The following ARHGAP15 variants were observed in gnomAD, a reference collection of about 807,000 sequenced individuals.
ARHGAP15 encodes Rho GTPase activating protein 15.
A neutral mutation model predicts 63.7 loss-of-function variants in ARHGAP15; 51 were observed. The ratio of observed to expected loss-of-function variants is 0.80; its 90% CI spans 0.64 to 1.01. The LOEUF (loss-of-function observed/expected upper bound fraction) is 1.01, where lower values mean the gene tolerates loss of function less well. ARHGAP15 is among the 50% of genes least tolerant of loss of function. The pLI is 0.00. For synonymous variants in ARHGAP15, 191 were observed against 193.8 expected (o/e 0.99, Z 0.12); for missense variants, 560 against 564.6 (o/e 0.99, Z 0.08).
intron 2 of ARHGAP15, among the ~76,000 whole-genome samples, chr2:143,192,622 C>T (rs755235453): frequency 3.3e-5 from 5 of 152,210 alleles, no homozygotes; most frequent in South Asian, 2.1e-4. Context: ...TTCCTCTCCA[C>T]GGGTTTGCTG....
intron 11 of ARHGAP15, chr2:143,606,887 A>G (rs1055756145): frequency 6.6e-6 from 1 of 152,190 alleles, no homozygotes; most frequent in African/African-American, 2.4e-5. Context: ...AACCAAACAT[A>G]GTGAAGGGGA....
At chr2:143,185,222 C>T (rs1691393936) in intron 2 of ARHGAP15, among the ~76,000 whole-genome samples, 1 of 152,166 alleles carries the variant, frequency 6.6e-6, no homozygotes. Context: ...CTCTGCTCAT[C>T]TGTTTACTAG....
intron 4 of ARHGAP15, among the ~76,000 whole-genome samples, chr2:143,217,939 A>G (rs571521978): frequency 6.6e-6 from 1 of 152,292 alleles, no homozygotes; most frequent in East Asian, 1.9e-4. Flanking sequence ...AATAATTTCA[A>G]GAAAGCAGAA....
chr2:143,348,103 AT>A (rs910463334), intron 6 of ARHGAP15, among the ~76,000 whole-genome samples: 5 of 151,942 alleles, frequency 3.3e-5, no homozygotes, highest in African/African-American at 1.2e-4. Flanking sequence ...ACATGATCAT[AT>A]TTTTTCCCCA....
chr2:143,631,152 A>G (rs1357247979), intron 12 of ARHGAP15, among the ~76,000 whole-genome samples: 1 of 152,092 alleles, frequency 6.6e-6, no homozygotes, highest in Non-Finnish European at 1.5e-5. Context: ...TATCCATGTT[A>G]TATTAGTTCA....
At chr2:143,468,655 A>AGT (rs1366540841) in intron 8 of ARHGAP15, among the ~76,000 whole-genome samples, 9 of 128,208 alleles carry the variant, frequency 7.0e-5, no homozygotes, top group African/African-American at 2.3e-4. Context: ...AGAGAGAGAG[A>AGT]GAGAGAGAGT....
In ARHGAP15 at chr2:143,411,180, G is replaced by A. The variant is rs182673802; in HGVS notation, c.475-24421G>A. ...AGATCATGCCACTGCACTCCAGCCT[G>A]GGCGACAGAGCGAGACTATCTCAAA... is the stretch of plus-strand genomic sequence containing the variant. On this transcript the variant is annotated intron_variant, in intron 6 of 13. Coordinates refer to ENST00000295095, the MANE Select transcript of ARHGAP15 (RefSeq NM_018460.4). Among the ~76,000 whole-genome samples, 236 of 152,120 alleles carry A rather than the reference G, an allele frequency of 1.6e-3. 2 individuals carry two copies. Among genetic ancestry groups the A allele is most frequent in the African/African-American group, 4.9e-3 (204 of 41,484 alleles).
At chr2:143,613,812 C>T (rs1698351422) in intron 11 of ARHGAP15, among the ~76,000 whole-genome samples, 1 of 152,166 alleles carries the variant, frequency 6.6e-6, no homozygotes, top group Admixed American at 6.6e-5. Context: ...GCTTCTTGCT[C>T]ATTGTGTCTT....
intron 6 of ARHGAP15, among the ~76,000 whole-genome samples, chr2:143,434,413 C>A (rs1394835916): frequency 6.6e-6 from 1 of 151,936 alleles, no homozygotes; most frequent in Non-Finnish European, 1.5e-5. Context: ...TTTCAAAACC[C>A]CAAAATCATT....
rs75062738 is a variant in ARHGAP15, at chr2:143,404,455, G to A, written c.475-31146G>A. 8.1e-3 allele frequency among the ~76,000 whole-genome samples: 1,234 copies of A among 151,992 alleles called. 16 individuals carry two copies. Among genetic ancestry groups the A allele is most frequent in the African/African-American group, 0.028 (1,182 of 41,492 alleles). On this transcript the variant is annotated intron_variant, in intron 6 of 13. Coordinates refer to ENST00000295095, the MANE Select transcript of ARHGAP15 (RefSeq NM_018460.4). ...AAATTATAGCCTGAAAATGTTGTAT[G>A]TATCATTTAATCTAATACAAAAATT...
At position 143,695,662 on chromosome 2, in the gene ARHGAP15, G is replaced by T. The variant is rs1346452436; in HGVS notation, c.1139-7757G>T. Among the ~76,000 whole-genome samples the T allele has an allele frequency of 2.0e-5, 3 of 152,186 alleles. No homozygotes were observed. In the East Asian group the frequency reaches 5.8e-4, roughly 29 times the overall value. On this transcript the variant is annotated intron_variant, in intron 12 of 13. Coordinates refer to ENST00000295095, the MANE Select transcript of ARHGAP15 (RefSeq NM_018460.4). ...GCGGGTGGATCGCTTGAGCCCAGGG[G>T]TTCAAGATCAGACTGGGCAACACGG...
intron 13 of ARHGAP15, among the ~76,000 whole-genome samples, chr2:143,716,533 T>C (rs1684819346): frequency 6.6e-6 from 1 of 152,200 alleles, no homozygotes; most frequent in Non-Finnish European, 1.5e-5. Context: ...CCATACTACC[T>C]TGAATTATTT....
intron 12 of ARHGAP15, among the ~76,000 whole-genome samples, chr2:143,695,205 C>A (rs998255526): frequency 1.3e-5 from 2 of 152,042 alleles, no homozygotes; most frequent in Non-Finnish European, 2.9e-5. Context: ...TCAAGAAAAT[C>A]TTCACAGGAA....
At chr2:143,316,624 T>C (rs1012357022) in intron 6 of ARHGAP15, among the ~76,000 whole-genome samples, 4 of 149,648 alleles carry the variant, frequency 2.7e-5, no homozygotes, top group African/African-American at 9.8e-5. Flanking sequence ...ATTATAGACT[T>C]TGGAGGCTTT....
At chr2:143,148,442 G>A (rs1426348567) in intron 1 of ARHGAP15, among the ~76,000 whole-genome samples, 1 of 152,052 alleles carries the variant, frequency 6.6e-6, no homozygotes, top group Non-Finnish European at 1.5e-5. Flanking sequence ...ACAGGATGGA[G>A]TTTGAAAGGT....
chr2:143,328,614 T>C (rs1009289783), intron 6 of ARHGAP15, among the ~76,000 whole-genome samples: 2 of 152,044 alleles, frequency 1.3e-5, no homozygotes, highest in African/African-American at 4.8e-5. Context: ...GGGATAGCAT[T>C]AGGAGAAATA....
At chr2:143,225,217 A>G (rs980649758) in intron 4 of ARHGAP15, among the ~76,000 whole-genome samples, 28 of 152,198 alleles carry the variant, frequency 1.8e-4, no homozygotes, top group Non-Finnish European at 3.2e-4. Context: ...TCTGTTTTTC[A>G]CTGGCAGATA....
At chr2:143,558,744 G>T (rs992666996) in intron 11 of ARHGAP15, among the ~76,000 whole-genome samples, 103 of 152,302 alleles carry the variant, frequency 6.8e-4, no homozygotes, top group African/African-American at 2.4e-3. Context: ...TGTGGGTGTT[G>T]CAGGTAAGAG....
chr2:143,183,641 G>T (rs1321142842), intron 2 of ARHGAP15, among the ~76,000 whole-genome samples: 2 of 152,018 alleles, frequency 1.3e-5, no homozygotes, highest in Admixed American at 1.3e-4. Flanking sequence ...CAGGCCGAGT[G>T]TGAGAATAGG....
Sources: allele counts gnomAD v4.1 joint callset (sites outside exome capture counted in the v4.1 genomes callset), GRCh38; gene constraint gnomAD v4.1.1; transcripts MANE v1.5; gene names NCBI Gene and HGNC (gene_info 2026-07-23, HGNC 2026-07-21).